C8B: variants seen among roughly 807,000 people sequenced by gnomAD.
C8B encodes the protein complement component C8 beta chain.
C8B carries 67 observed loss-of-function variants against 64.6 expected under a neutral mutation model. The ratio of observed to expected loss-of-function variants is 1.04; its 90% CI spans 0.85 to 1.27. The LOEUF (loss-of-function observed/expected upper bound fraction) is 1.27. Ranked by LOEUF, C8B falls within the 50% of genes most tolerant of loss-of-function variation. C8B has a pLI of 0.00. For missense variants in C8B, 790 were observed against 725.2 expected (o/e 1.09, Z -1.03); for synonymous variants, 284 against 257.7 (o/e 1.10, Z -0.98).
intron 9 of C8B, among the ~76,000 whole-genome samples, chr1:56,938,095 A>T (rs974967004): frequency 2.6e-5 from 4 of 152,124 alleles, no homozygotes; most frequent in Non-Finnish European, 4.4e-5. Context: ...CTCAGGGAAG[A>T]TTGTCTTCTT....
chr1:56,960,066 G>A lies in C8B; in HGVS notation c.203C>T (p.Ser68Phe). 1 of 1,614,140 alleles carries A rather than the reference G, an allele frequency of 6.2e-7. No homozygotes were observed. Among genetic ancestry groups the A allele is most frequent in the Non-Finnish European group, 8.5e-7 (1 of 1,180,004 alleles). ...ACATGTGGTCCAAGAGGACCAACTA[G>A]ACAGCTCACAATCAATGGGCATCAG... is the stretch of plus-strand genomic sequence containing the variant. ...VTLMPIDCEL[S>F]SWSSWTTCDP... The change falls in exon 2 of 12, where the codon TCT (serine) becomes TTT (phenylalanine). Residue 68 changes from serine (S) to phenylalanine (F), a missense_variant. Transcript: ENST00000371237.
rs185472556 is a variant in C8B at position 56,929,351 on chromosome 1, G to A, written c.*53C>T. The A allele has an allele frequency of 2.5e-6, 4 of 1,600,410 alleles. No individual in the cohort carries two copies. The East Asian group carries it at 6.7e-5, about 27-fold the overall frequency. ...CTGGTGTAGGGCTGAGCTGGCATGA[G>A]TTCTTGAGGGCTCAGGGCTCTCATT... On this transcript the variant is annotated 3_prime_UTR_variant, in exon 12 of 12. Transcript: ENST00000371237.
At chr1:56,964,135 G>A (rs930287198) in intron 1 of C8B, 7 of 283,704 alleles carry the variant, frequency 2.5e-5, no homozygotes, top group South Asian at 1.4e-4. Flanking sequence ...CTTACATAGC[G>A]AGAAGGAGAG....
chr1:56,960,330 ATTAATCCAACAAATAT>A (rs1645160551), intron 1 of C8B, among the ~76,000 whole-genome samples, 154 bp from the exon 2 acceptor site: 1 of 152,236 alleles, frequency 6.6e-6, no homozygotes, highest in Non-Finnish European at 1.5e-5. Flanking sequence ...GAATTAATTA[ATTAATCCAACAAATAT>A]TTAATCCAAC....
At chr1:56,952,311 C>A in intron 4 of C8B, 131 bp from the exon 5 acceptor site, 1 of 1,199,222 alleles carries the variant, frequency 8.3e-7, no homozygotes, top group South Asian at 1.3e-5. Flanking sequence ...CTGGTCCAAG[C>A]CAGCTTTCCA....
At chr1:56,932,261 C>A (rs1485627905) in intron 10 of C8B, among the ~76,000 whole-genome samples, 1 of 152,192 alleles carries the variant, frequency 6.6e-6, no homozygotes, top group African/African-American at 2.4e-5. Flanking sequence ...ATGGGGAACT[C>A]ATTACTCTTA....
At chr1:56,959,393 A>C (rs1367726901) in intron 2 of C8B, 7 of 642,748 alleles carry the variant, frequency 1.1e-5, no homozygotes, top group Non-Finnish European at 1.9e-5. Context: ...GAAGCTCATA[A>C]AAGATTGCTT....
At chr1:56,954,206 C>A (rs995354836) in intron 4 of C8B, among the ~76,000 whole-genome samples, 2 of 152,100 alleles carry the variant, frequency 1.3e-5, no homozygotes, top group African/African-American at 2.4e-5. Flanking sequence ...CTCAGAGATC[C>A]CCAAAAGCCC....
intron 11 of C8B, among the ~76,000 whole-genome samples, chr1:56,930,340 C>T (rs1053852051): frequency 2.0e-5 from 3 of 152,172 alleles, no homozygotes; most frequent in South Asian, 2.1e-4. Context: ...ACTTCCATCA[C>T]AATTTATCAT....
chr1:56,942,760 G>T (rs1250782285), intron 8 of C8B, among the ~76,000 whole-genome samples: 1 of 151,866 alleles, frequency 6.6e-6, no homozygotes, highest in Non-Finnish European at 1.5e-5. Flanking sequence ...CAACACCTGA[G>T]CAGCATTAAA....
At chr1:56,933,794 T>C (rs1644737569) in intron 9 of C8B, among the ~76,000 whole-genome samples, 3 of 152,130 alleles carry the variant, frequency 2.0e-5, no homozygotes. Context: ...CAGACAAACA[T>C]ACCAACAGAT....
chr1:56,954,715 T>C lies in C8B; in HGVS notation c.504A>G (p.Gln168=), dbSNP rs1278089351. The C allele has an allele frequency of 6.2e-7, 1 of 1,614,198 alleles. No individual in the cohort carries two copies. Among genetic ancestry groups the C allele is most frequent in the South Asian group, 1.1e-5 (1 of 91,092 alleles). ...IYKKCQHEMD[Q]YWGIGSLASG... Reference sequence around the variant, plus strand: ...TGGCCAGACTGCCAATTCCCCAGTATTGGTCCATTTCATGCTGACATTTTT... The same window carrying C: ...TGGCCAGACTGCCAATTCCCCAGTACTGGTCCATTTCATGCTGACATTTTT... The change falls in exon 4 of 12, where the codon CAA becomes CAG. Residue 168 remains glutamine (Q), a synonymous_variant. Transcript: ENST00000371237.
In C8B at chr1:56,940,757, G is replaced by C. The variant is rs1322579492; in HGVS notation, c.1398+92C>G. ...TCCCAAAATTAGGGCCTGGGTCTTA[G>C]TGATCTCTGCATTTTATACCTTGGC... On this transcript the variant is annotated intron_variant, in intron 9 of 11. Coordinates refer to ENST00000371237, the MANE Select transcript of C8B (RefSeq NM_000066.4). 7 of 1,449,314 alleles carry C rather than the reference G, an allele frequency of 4.8e-6. No individual in the cohort carries two copies. The East Asian group carries it at 1.6e-4, about 33-fold the overall frequency. 89.8% of individuals were successfully genotyped at this position (1,449,314 alleles called of 1,614,324 possible). A position where few individuals can be genotyped will look rare whatever the true frequency, so the allele number is the denominator to read the frequency against.
intron 9 of C8B, among the ~76,000 whole-genome samples, chr1:56,936,842 C>A (rs556125870): frequency 5.9e-5 from 9 of 152,292 alleles, no homozygotes; most frequent in African/African-American, 2.2e-4. Flanking sequence ...ATCCACCCAC[C>A]TTGGCCTCTC....
chr1:56,936,813 G>A (rs1644782987), intron 9 of C8B, among the ~76,000 whole-genome samples: 1 of 152,006 alleles, frequency 6.6e-6, no homozygotes, highest in African/African-American at 2.4e-5. Flanking sequence ...GGTTGGTCTT[G>A]AACTCCTGAC....
intron 4 of C8B, among the ~76,000 whole-genome samples, chr1:56,952,889 G>A (rs1340391375): frequency 6.6e-6 from 1 of 152,202 alleles, no homozygotes; most frequent in Non-Finnish European, 1.5e-5. Context: ...CTTGGTCCGC[G>A]ATAAATGTGC....
intron 9 of C8B, among the ~76,000 whole-genome samples, chr1:56,936,829 G>T (rs1373553099): frequency 4.6e-5 from 7 of 152,040 alleles, no homozygotes; most frequent in Admixed American, 4.6e-4. Context: ...CTGACCTCAT[G>T]TCATCCACCC....
intron 2 of C8B, among the ~76,000 whole-genome samples, chr1:56,957,273 A>C (rs1171986690): frequency 3.9e-5 from 6 of 152,168 alleles, no homozygotes; most frequent in Non-Finnish European, 7.3e-5. Flanking sequence ...TCATGTAGCC[A>C]GTTCAATAAC....
intron 2 of C8B, 108 bp downstream of exon 2, chr1:56,959,912 T>C: frequency 8.1e-7 from 1 of 1,242,018 alleles, no homozygotes; most frequent in South Asian, 1.2e-5. Flanking sequence ...TAGCCGACAT[T>C]TATTGAGGGC....
Sources: gnomAD v4.1 joint callset for allele counts (sites outside exome capture counted in the v4.1 genomes callset) on GRCh38, gnomAD v4.1.1 for gene constraint, MANE v1.5 for transcripts, NCBI Gene and HGNC (gene_info 2026-07-23, HGNC 2026-07-21) for gene names.